The following PUDP variants were observed in gnomAD, a reference collection of about 807,000 sequenced individuals.
The protein encoded by PUDP is pseudouridine 5'-phosphatase, also known as pseudouridine-5'-phosphatase.
Under a neutral mutation model 9.4 loss-of-function variants are expected in PUDP, and 8 were observed. The ratio of observed to expected loss-of-function variants is 0.85; its 90% CI spans 0.50 to 1.53. The LOEUF (loss-of-function observed/expected upper bound fraction) is 1.53, where lower values mean the gene tolerates loss of function less well. Among genes scored for constraint, PUDP ranks in the 40% most tolerant of loss-of-function variants. The probability of loss-of-function intolerance (pLI) is 0.00; values close to 1 mark genes in which losing one functional copy is unlikely to be tolerated. For synonymous variants in PUDP, 99 were observed against 80.7 expected (o/e 1.23, Z -1.22); for missense variants, 188 against 189.7 (o/e 0.99, Z 0.05).
At chrX:7,043,124 C>T (rs1402277941) in intron 1 of PUDP, among the ~76,000 whole-genome samples, 1 of 111,837 alleles carries the variant, frequency 8.9e-6, no homozygotes, top group East Asian at 2.8e-4. Flanking sequence ...TCAAGAAGTC[C>T]TGGGGCAGGT....
chrX:7,145,489 C>T (rs1193848928), intron 1 of PUDP, among the ~76,000 whole-genome samples: 1 of 111,294 alleles, frequency 9.0e-6, no homozygotes, highest in Non-Finnish European at 1.9e-5. Context: ...TTAACTAATC[C>T]CACTCCCCTA....
At chrX:6,929,944 C>T (rs1049169258) in intron 3 of PUDP, among the ~76,000 whole-genome samples, 2 of 111,145 alleles carry the variant, frequency 1.8e-5, no homozygotes, top group Non-Finnish European at 3.8e-5. Flanking sequence ...GGCTGTGTTA[C>T]TGAGAATTCA....
intron 1 of PUDP, among the ~76,000 whole-genome samples, chrX:7,136,949 T>C (rs185992619): frequency 8.9e-4 from 100 of 111,937 alleles, no homozygotes; most frequent in African/African-American, 3.1e-3. Context: ...TACACCTCAG[T>C]CTGAAACATT....
intron 3 of PUDP, among the ~76,000 whole-genome samples, chrX:6,727,542 G>A (rs1051270014): frequency 4.5e-5 from 5 of 112,122 alleles, no homozygotes; most frequent in African/African-American, 1.6e-4. Flanking sequence ...TTACTACTGG[G>A]TGTGCACTCC....
Position 6,978,730 on chromosome X carries a change from T to A in PUDP, c.205-387A>T, listed in dbSNP as rs111843069. Among the ~76,000 whole-genome samples, 463 of 112,697 alleles carry A rather than the reference T, an allele frequency of 4.1e-3. 3 individuals are homozygous for A. The highest frequency in any genetic ancestry group is 0.014 in the African/African-American group (446 of 31,092). ...TGAATATTTTTACAGATAGGTATGG[T>A]CAGTGATCGTGGTACTGAGAAGTTG... is the stretch of plus-strand genomic sequence containing the variant. On this transcript the variant is annotated intron_variant and NMD_transcript_variant, in intron 1 of 3. Transcript: ENST00000655425.
chrX:7,138,862 C>T (rs1259706764), intron 1 of PUDP, among the ~76,000 whole-genome samples: 1 of 106,358 alleles, frequency 9.4e-6, no homozygotes. Flanking sequence ...GTTTTCAAAT[C>T]TCTTCTCACC....
chrX:7,039,006 T>C (rs1929888102), intron 1 of PUDP, among the ~76,000 whole-genome samples: 1 of 111,626 alleles, frequency 9.0e-6, no homozygotes, highest in Non-Finnish European at 1.9e-5. Flanking sequence ...CATAGCTCAC[T>C]GCAGCCTTGA....
intron 1 of PUDP, among the ~76,000 whole-genome samples, chrX:6,987,436 A>G (rs1398874516): frequency 1.8e-5 from 2 of 112,078 alleles, no homozygotes; most frequent in Non-Finnish European, 3.8e-5. Flanking sequence ...TGTGAATGGA[A>G]ATGAATTTCT....
intron 1 of PUDP, among the ~76,000 whole-genome samples, chrX:6,716,529 C>A (rs893669085): frequency 8.9e-6 from 1 of 111,873 alleles, no homozygotes; most frequent in African/African-American, 3.2e-5. Context: ...TAAACTGAGA[C>A]GTGAACCATG....
intron 2 of PUDP, among the ~76,000 whole-genome samples, chrX:7,092,265 G>A (rs960724113): frequency 1.8e-5 from 2 of 112,800 alleles, no homozygotes; most frequent in Non-Finnish European, 3.7e-5. Context: ...CAAATAAGAG[G>A]TAACAGAAAA....
chrX:6,937,046 G>T (rs200425335), intron 3 of PUDP, among the ~76,000 whole-genome samples: 3,998 of 105,265 alleles, frequency 0.038, 100 homozygotes, highest in East Asian at 0.13. Context: ...CGTGAAAATG[G>T]CCATACTGCC....
At chrX:6,841,600 C>T (rs1309927761) in intron 3 of PUDP, among the ~76,000 whole-genome samples, 1 of 110,435 alleles carries the variant, frequency 9.1e-6, no homozygotes, top group Non-Finnish European at 1.9e-5. Flanking sequence ...TCCTCTCCCT[C>T]TCTCTCAAAA....
intron 3 of PUDP, among the ~76,000 whole-genome samples, chrX:6,889,285 C>T (rs3924842): frequency 0.23 from 25,031 of 110,396 alleles, 2,592 homozygotes; most frequent in Admixed American, 0.4. Context: ...CTGATTCTCC[C>T]TCTCTCCCTC....
At chrX:6,772,630 G>GA (rs386416546) in intron 3 of PUDP, among the ~76,000 whole-genome samples, 90 of 96,895 alleles carry the variant, frequency 9.3e-4, no homozygotes, top group African/African-American at 2.4e-3. Context: ...TACAGACAAG[G>GA]AAAAAAAAAA....
At chrX:6,910,917 T>A (rs1927839567) in intron 3 of PUDP, among the ~76,000 whole-genome samples, 1 of 111,855 alleles carries the variant, frequency 8.9e-6, no homozygotes, top group Admixed American at 9.5e-5. Context: ...CCTCACATGG[T>A]GGAAGGGGCA....
intron 3 of PUDP, among the ~76,000 whole-genome samples, chrX:6,928,582 A>G (rs769125217): frequency 8.9e-5 from 10 of 112,054 alleles, no homozygotes; most frequent in Admixed American, 3.8e-4. Context: ...ATAAATTACA[A>G]TCAAGTGGAC....
intron 3 of PUDP, among the ~76,000 whole-genome samples, chrX:6,892,516 T>C (rs779441714): frequency 4.5e-5 from 5 of 110,922 alleles, no homozygotes; most frequent in Non-Finnish European, 7.6e-5. Context: ...GCTCTCATGA[T>C]ACTTATTCAC....
At chrX:6,955,203 T>G (rs1303704853) in intron 3 of PUDP, among the ~76,000 whole-genome samples, 1 of 110,250 alleles carries the variant, frequency 9.1e-6, no homozygotes, top group East Asian at 2.8e-4. Flanking sequence ...CTTTGTCCTC[T>G]TTTAACTTTT....
intron 3 of PUDP, among the ~76,000 whole-genome samples, chrX:7,072,767 T>C (rs1264594128): frequency 3.0e-5 from 3 of 99,817 alleles, no homozygotes; most frequent in Non-Finnish European, 4.0e-5. Context: ...TGAGCCGAGA[T>C]CGTGCCACTG....
Sources: gnomAD v4.1 joint callset for allele counts (sites outside exome capture counted in the v4.1 genomes callset) on GRCh38, gnomAD v4.1.1 for gene constraint, MANE v1.5 for transcripts, NCBI Gene and HGNC (gene_info 2026-07-23, HGNC 2026-07-21) for gene names.